Variants in RYR2 observed in about 807,000 individuals in gnomAD.
The protein encoded by RYR2 is ryanodine receptor 2.
RYR2 carries 227 observed loss-of-function variants against 601.1 expected under a neutral mutation model. That is an observed-to-expected ratio of 0.38 (90% CI 0.34 to 0.42). The LOEUF (loss-of-function observed/expected upper bound fraction) is 0.42. RYR2 is among the 10% of genes least tolerant of loss of function. The pLI is 1.00. For missense variants in RYR2, 4,646 were observed against 6,156.5 expected, an observed-to-expected ratio of 0.75 and a Z score of 8.21; for synonymous variants, 2,223 against 2,175.1, an observed-to-expected ratio of 1.02 and a Z score of -0.61.
chr1:237,111,647 CA>C (rs1384786065), intron 1 of RYR2, among the ~76,000 whole-genome samples: 1 of 149,468 alleles, frequency 6.7e-6, no homozygotes, highest in Non-Finnish European at 1.5e-5. Context: ...AAGTGTGCTT[CA>C]GGATAGTAAA....
chr1:237,763,650 G>A (rs558323477), intron 84 of RYR2, among the ~76,000 whole-genome samples: 10 of 152,274 alleles, frequency 6.6e-5, no homozygotes, highest in African/African-American at 2.4e-4. Context: ...TGAGATTTTA[G>A]ATAGTACTTA....
At chr1:237,429,400 A>G (rs1706558854) in intron 12 of RYR2, among the ~76,000 whole-genome samples, 1 of 152,150 alleles carries the variant, frequency 6.6e-6, no homozygotes, top group African/African-American at 2.4e-5. Context: ...ACTGGGCTGT[A>G]GCTTTCCAGG....
At chr1:237,662,077 G>C (rs74147190) in intron 56 of RYR2, among the ~76,000 whole-genome samples, 1,585 of 151,518 alleles carry the variant, frequency 0.01, 34 homozygotes, top group African/African-American at 0.036. Context: ...AAAAAATGAG[G>C]GTCTAACAGC....
chr1:237,259,530 A>T (rs984945273), intron 1 of RYR2, among the ~76,000 whole-genome samples: 14 of 30,250 alleles, frequency 4.6e-4, no homozygotes, highest in Non-Finnish European at 8.1e-4. Flanking sequence ...TAGACCATTT[A>T]AAAAAAAAAA....
chr1:237,805,008 T>C (rs1660455729), intron 98 of RYR2, among the ~76,000 whole-genome samples: 1 of 152,102 alleles, frequency 6.6e-6, no homozygotes, highest in South Asian at 2.1e-4. Context: ...GTCGGTGCTA[T>C]TGGCATCTAG....
At chr1:237,812,791 TC>T in intron 100 of RYR2, among the ~76,000 whole-genome samples, 1 of 152,222 alleles carries the variant, frequency 6.6e-6, no homozygotes, top group South Asian at 2.1e-4. Flanking sequence ...TGACTGCCTT[TC>T]TATCACCCCC....
intron 1 of RYR2, among the ~76,000 whole-genome samples, chr1:237,242,262 C>A (rs926025559): frequency 3.3e-5 from 5 of 150,628 alleles, no homozygotes; most frequent in Admixed American, 2.7e-4. Context: ...TGTGAAAAAT[C>A]CTCAGAGATT....
intron 1 of RYR2, among the ~76,000 whole-genome samples, chr1:237,109,541 G>A (rs1258111390): frequency 2.6e-5 from 4 of 152,106 alleles, no homozygotes; most frequent in African/African-American, 4.8e-5. Context: ...TGAATCTCCC[G>A]AAGGGCCTCG....
At chr1:237,586,192 A>G (rs1674505180) in intron 29 of RYR2, among the ~76,000 whole-genome samples, 2 of 152,310 alleles carry the variant, frequency 1.3e-5, no homozygotes, top group African/African-American at 4.8e-5. Context: ...ACACCTGTAT[A>G]TTCTTCAATC....
chr1:237,339,993 T>C (rs1697617712), intron 3 of RYR2, among the ~76,000 whole-genome samples: 1 of 152,178 alleles, frequency 6.6e-6, no homozygotes, highest in Non-Finnish European at 1.5e-5. Flanking sequence ...GGAAGGATAC[T>C]TTGAAGAACT....
intron 20 of RYR2, among the ~76,000 whole-genome samples, chr1:237,499,987 C>T (rs1361019875): frequency 6.6e-6 from 1 of 152,098 alleles, no homozygotes; most frequent in Non-Finnish European, 1.5e-5. Context: ...TAACATTTAT[C>T]CAATATCATT....
At chr1:237,252,804 C>A (rs923699932) in intron 1 of RYR2, among the ~76,000 whole-genome samples, 7 of 152,112 alleles carry the variant, frequency 4.6e-5, no homozygotes, top group Admixed American at 2.0e-4. Flanking sequence ...GGGATGCAAA[C>A]CCTGGGTGTG....
At chr1:237,269,664 A>G (rs562407296) in intron 1 of RYR2, among the ~76,000 whole-genome samples, 37 of 152,180 alleles carry the variant, frequency 2.4e-4, no homozygotes, top group Non-Finnish European at 4.3e-4. Context: ...TATGCTAGTC[A>G]TTATGTAAGG....
intron 27 of RYR2, among the ~76,000 whole-genome samples, chr1:237,553,099 T>G (rs1280050275): frequency 6.6e-6 from 1 of 152,060 alleles, no homozygotes; most frequent in Non-Finnish European, 1.5e-5. Flanking sequence ...GAAGTCCATT[T>G]ATGATTTTTT....
chr1:237,356,785 TAA>T lies in RYR2; in HGVS notation c.294+802_294+803del, dbSNP rs546448961. On this transcript the variant is annotated intron_variant, in intron 4 of 104. Transcript: ENST00000366574. ...ACACACCAGGATTCTGAATGGAAAT[TAA>T]AGTCTCCTCAAGACTGATATTCCTA... Among the ~76,000 whole-genome samples the T allele has an allele frequency of 5.3e-3, 800 of 152,308 alleles. 4 individuals carry two copies. Among genetic ancestry groups the T allele is most frequent in the Non-Finnish European group, 7.7e-3 (523 of 68,022 alleles).
At chr1:237,433,721 T>C (rs920333084) in intron 12 of RYR2, among the ~76,000 whole-genome samples, 1 of 152,156 alleles carries the variant, frequency 6.6e-6, no homozygotes, top group African/African-American at 2.4e-5. Flanking sequence ...TACATACTTC[T>C]GCCACATTTC....
chr1:237,421,109 G>A (rs1705520796), intron 11 of RYR2, among the ~76,000 whole-genome samples: 1 of 152,128 alleles, frequency 6.6e-6, no homozygotes, highest in Admixed American at 6.5e-5. Context: ...CGCGGTGGCT[G>A]GCGCCTATAG....
chr1:237,483,001 T>C (rs1404120934), intron 17 of RYR2, among the ~76,000 whole-genome samples: 1 of 152,220 alleles, frequency 6.6e-6, no homozygotes, highest in Non-Finnish European at 1.5e-5. Context: ...AATGCAAAAC[T>C]TTCTGTGGTT....
At chr1:237,281,797 G>T (rs1456008501) in intron 2 of RYR2, among the ~76,000 whole-genome samples, 1 of 152,226 alleles carries the variant, frequency 6.6e-6, no homozygotes, top group African/African-American at 2.4e-5. Context: ...ACAGAATAGG[G>T]ATTGTGGTTT....
Sources: gnomAD v4.1 joint callset for allele counts (sites outside exome capture counted in the v4.1 genomes callset) on GRCh38, gnomAD v4.1.1 for gene constraint, MANE v1.5 for transcripts, NCBI Gene and HGNC (gene_info 2026-07-23, HGNC 2026-07-21) for gene names.